Variants in INSR observed in about 807,000 individuals in gnomAD.
The protein encoded by INSR is IR.
INSR carries 67 observed loss-of-function variants against 142.6 expected under a neutral mutation model. That is an observed-to-expected ratio of 0.47 (90% confidence interval 0.39 to 0.58). The LOEUF is 0.58. INSR is among the 20% of genes least tolerant of loss of function. The pLI is 0.00. For missense variants in INSR, 1,248 were observed against 1,833.2 expected (o/e 0.68, Z 5.83); for synonymous variants, 756 against 743.1 (o/e 1.02, Z -0.28).
intron 2 of INSR, among the ~76,000 whole-genome samples, chr19:7,230,814 A>T (rs992678429): frequency 3.3e-5 from 5 of 151,606 alleles, no homozygotes; most frequent in Non-Finnish European, 5.9e-5. Flanking sequence ...TCAAAAATAA[A>T]AAAAAAATAA....
rs985552276 is a variant in INSR at position 7,168,184 on chromosome 19, G to A, written c.1484-90C>T. On this transcript the variant is annotated intron_variant, in intron 6 of 21. Coordinates refer to ENST00000302850, the MANE Select transcript of INSR (RefSeq NM_000208.4). This position sits in a 1 kb window ranked among gnomAD's most constrained non-coding sequence, Gnocchi z 4.3. ...GACCCCCACACTTCCTGGAGGGACC[G>A]TGAGAAGGCAGAGGTGACGCTGCTA... The A allele has an allele frequency of 3.9e-5, 53 of 1,344,794 alleles. No homozygotes were observed. The South Asian group carries it at 4.4e-4, about 11-fold the overall frequency. 83.3% of individuals were successfully genotyped at this position (1,344,794 alleles called of 1,614,324 possible).
chr19:7,134,835 T>C (rs2144839083), intron 13 of INSR, among the ~76,000 whole-genome samples: 1 of 151,690 alleles, frequency 6.6e-6, no homozygotes, highest in South Asian at 2.1e-4. Flanking sequence ...AATAAATAAA[T>C]AAAACAGTTG....
chr19:7,195,819 A>C (rs1351612064), intron 2 of INSR, among the ~76,000 whole-genome samples: 1 of 152,062 alleles, frequency 6.6e-6, no homozygotes, highest in African/African-American at 2.4e-5. Context: ...TTGAGACAAC[A>C]GATAAGATTA....
intron 11 of INSR, among the ~76,000 whole-genome samples, chr19:7,148,448 A>T (rs1367203794): frequency 2.9e-5 from 4 of 140,276 alleles, no homozygotes; most frequent in Admixed American, 1.4e-4. Flanking sequence ...AATATTATTT[A>T]TTATTATTAT....
chr19:7,165,132 CA>C (rs1336758153), intron 8 of INSR, among the ~76,000 whole-genome samples: 1 of 149,774 alleles, frequency 6.7e-6, no homozygotes, highest in Non-Finnish European at 1.5e-5. Flanking sequence ...TCTCAAAAAA[CA>C]AAACAAAACA....
At chr19:7,157,406 C>T (rs554246032) in intron 9 of INSR, among the ~76,000 whole-genome samples, 25 of 150,618 alleles carry the variant, frequency 1.7e-4, no homozygotes, top group African/African-American at 6.1e-4. Context: ...TGAGCCACTG[C>T]GCCCAGCCGA....
chr19:7,158,677 T>G (rs1283300931), intron 9 of INSR, among the ~76,000 whole-genome samples: 1 of 151,960 alleles, frequency 6.6e-6, no homozygotes, highest in Non-Finnish European at 1.5e-5. Context: ...GAGATGATGG[T>G]GGTAATGGCC....
At chr19:7,252,144 G>A (rs1006274210) in intron 2 of INSR, among the ~76,000 whole-genome samples, 1 of 151,666 alleles carries the variant, frequency 6.6e-6, no homozygotes, top group Non-Finnish European at 1.5e-5. Context: ...GCGTAGTGGC[G>A]CACGCCTGTA....
At chr19:7,199,197 A>G (rs940129754) in intron 2 of INSR, among the ~76,000 whole-genome samples, 2 of 152,094 alleles carry the variant, frequency 1.3e-5, no homozygotes, top group Non-Finnish European at 2.9e-5. Context: ...TGTTTGCAGC[A>G]CACACGGTCC....
Position 7,113,698 on chromosome 19 carries a change from G to C in INSR, c.*3358C>G, listed in dbSNP as rs898787066. Reference sequence around the variant, plus strand: ...AACACTACAAACTCCCAGGACAACCGTGTCTTTCTAGGACCAAAGTTTTAT... The same window carrying C: ...AACACTACAAACTCCCAGGACAACCCTGTCTTTCTAGGACCAAAGTTTTAT... On this transcript the variant is annotated 3_prime_UTR_variant, in exon 22 of 22. Coordinates refer to ENST00000302850, the MANE Select transcript of INSR (RefSeq NM_000208.4). The C allele has an allele frequency of 6.6e-6, 1 of 152,128 alleles. No individual in the cohort carries two copies. Among genetic ancestry groups the C allele is most frequent in the African/African-American group, 2.4e-5 (1 of 41,416 alleles). The allele number at this position is 152,128 out of a possible 1,614,324, so 9.4% of individuals were successfully genotyped here. A position where few individuals can be genotyped will look rare whatever the true frequency, so the allele number is the denominator to read the frequency against.
intron 9 of INSR, among the ~76,000 whole-genome samples, chr19:7,153,410 T>TTCACACACACCACACACCACACAAA (rs1973494198): frequency 4.6e-5 from 1 of 21,926 alleles, no homozygotes; most frequent in African/African-American, 1.2e-4. Flanking sequence ...ACATACACAC[T>TTCACACACACCACACACCACACAAA]TCACACACAC....
At chr19:7,122,494 A>G in intron 19 of INSR, 120 bp downstream of exon 19, 4 of 1,024,166 alleles carry the variant, frequency 3.9e-6, no homozygotes, top group Non-Finnish European at 5.8e-6. Flanking sequence ...CAAAAAAAAA[A>G]GAAGTATCTT....
intron 2 of INSR, among the ~76,000 whole-genome samples, chr19:7,217,705 G>A (rs1216899760): frequency 8.5e-5 from 13 of 152,190 alleles, no homozygotes; most frequent in Admixed American, 3.3e-4. Context: ...GACTACAGGA[G>A]CCCGCCACCA....
At chr19:7,185,874 AAG>A (rs941024241) in intron 2 of INSR, among the ~76,000 whole-genome samples, 1 of 133,104 alleles carries the variant, frequency 7.5e-6, no homozygotes, top group Non-Finnish European at 1.6e-5. Context: ...GAGAGAGACA[AAG>A]AGAGAGAGAA....
At position 7,151,162 on chromosome 19, in the gene INSR, CTCTTTCTTTCTTTCTTTCTTTCTTTCTT is replaced by C. The variant is rs1218566297; in HGVS notation, c.2232-658_2232-631del. Reference sequence around the variant, plus strand: ...CTTTCTCTCTTTCCTTTCTTTCTTTCTCTTTCTTTCTTTCTTTCTTTCTTTCTTTCTTTCTTTCTTTCTTTCTTTTTCT... The same window carrying C: ...CTTTCTCTCTTTCCTTTCTTTCTTTCTCTTTCTTTCTTTCTTTCTTTTTCT... On this transcript the variant is annotated intron_variant, in intron 10 of 21. Coordinates refer to ENST00000302850, the MANE Select transcript of INSR (RefSeq NM_000208.4). 2.8e-4 allele frequency among the ~76,000 whole-genome samples: 13 copies of C among 45,850 alleles called. 1 individual carries two copies. Among genetic ancestry groups the C allele is most frequent in the Non-Finnish European group, 6.3e-4 (10 of 15,858 alleles). 30.1% of individuals were successfully genotyped at this position (45,850 alleles called of 152,430 possible).
At position 7,123,330 on chromosome 19, in the gene INSR, G is replaced by A. The variant is rs546610740; in HGVS notation, c.3259-341C>T. On this transcript the variant is annotated intron_variant, in intron 17 of 21. Transcript: ENST00000302850. ...GTTACAGGTGCCCGCCTCCACACCC[G>A]GCTAATTTTTGTATTTTTAGTAGAG... Among the ~76,000 whole-genome samples the A allele has an allele frequency of 7.0e-4, 106 of 151,806 alleles. No homozygotes were observed. In the South Asian group the frequency reaches 0.015, roughly 21 times the overall value.
chr19:7,222,683 G>A (rs553456320), intron 2 of INSR, among the ~76,000 whole-genome samples: 25 of 152,118 alleles, frequency 1.6e-4, no homozygotes, highest in African/African-American at 5.8e-4. Flanking sequence ...ATGAGCCACG[G>A]TGTCCAGCCT....
intron 2 of INSR, among the ~76,000 whole-genome samples, chr19:7,220,244 G>A (rs913704542): frequency 1.3e-5 from 2 of 152,184 alleles, no homozygotes; most frequent in African/African-American, 4.8e-5. Context: ...GAGTAATCTT[G>A]TGTTTGCCTC....
chr19:7,123,959 C>A (rs566324767), intron 17 of INSR, among the ~76,000 whole-genome samples: 1 of 150,694 alleles, frequency 6.6e-6, no homozygotes, highest in South Asian at 2.1e-4. Context: ...TGGTGGCTCA[C>A]GCCTGTAATC....
Sources: gnomAD v4.1 joint callset for allele counts (sites outside exome capture counted in the v4.1 genomes callset) on GRCh38, gnomAD v4.1.1 for gene constraint, Gnocchi (gnomAD v3.1) non-coding constraint, MANE v1.5 for transcripts, NCBI Gene and HGNC (gene_info 2026-07-23, HGNC 2026-07-21) for gene names.